CMYA5: variants seen among roughly 807,000 people sequenced by gnomAD.
The protein encoded by CMYA5 is cardiomyopathy-associated protein 5.
A neutral mutation model predicts 318.9 loss-of-function variants in CMYA5; 246 were observed. The observed-to-expected ratio is 0.77, with a 90% CI of 0.70 to 0.86. The LOEUF (loss-of-function observed/expected upper bound fraction) is 0.86, where lower values mean the gene tolerates loss of function less well. Among genes scored for constraint, CMYA5 ranks in the 40% least tolerant of loss-of-function variants. The pLI, the probability that CMYA5 is intolerant of heterozygous loss-of-function variation, is 0.00. For missense variants in CMYA5, 4,589 were observed against 4,678.2 expected (o/e 0.98, Z 0.56); for synonymous variants, 1,641 against 1,729.5 (o/e 0.95, Z 1.27).
At chr5:79,743,723 A>G in intron 2 of CMYA5, 104 bp from the exon 3 acceptor site, 1 of 589,670 alleles carries the variant, frequency 1.7e-6, no homozygotes, top group Non-Finnish European at 2.9e-6. Context: ...TAGTATAGTA[A>G]GTCTCTACGA....
In CMYA5 at chr5:79,745,333, A is replaced by G. The variant is rs775481745; in HGVS notation, c.10846A>G (p.Lys3616Glu). The change falls in exon 4 of 13, where the codon AAG becomes GAG. Residue 3616 changes from lysine (K) to glutamate (E), a missense_variant. Around this residue, in one of 3 missense-constraint regions of CMYA5, gnomAD observed 2,431 missense variants for 2,495.1 expected, o/e 0.97. Coordinates refer to ENST00000446378, the MANE Select transcript of CMYA5 (RefSeq NM_153610.5). ...CCAGAGCTTTGAGGAAGTGAAGAAG[A>G]AGAAGATGGAGTTCCTGCATGAGCA... ...KAQSFEEVKK[K>E]KMEFLHEQMV... The G allele has an allele frequency of 6.2e-7, 1 of 1,613,902 alleles. No homozygotes were observed. The highest frequency in any genetic ancestry group is 1.7e-5 in the Admixed American group (1 of 60,008).
intron 2 of CMYA5, among the ~76,000 whole-genome samples, chr5:79,741,017 A>G (rs1022171153): frequency 5.3e-5 from 8 of 152,024 alleles, no homozygotes; most frequent in African/African-American, 1.7e-4. Context: ...CTGGGAATAT[A>G]GTCATGCACT....
chr5:79,737,574 T>C lies in CMYA5; in HGVS notation c.8809T>C (p.Ser2937Pro), dbSNP rs1215417539. ...AGTGACTAGTAAGCCAGCCGGACTTTCAGAAGATCAGAAGACTGCCTTTAG... is the reference window on the plus strand; with the variant it reads ...AGTGACTAGTAAGCCAGCCGGACTTCCAGAAGATCAGAAGACTGCCTTTAG... ...FTVTSKPAGL[S>P]EDQKTAFSII... The change falls in exon 2 of 13, where the codon TCA becomes CCA. Residue 2937 changes from serine (S) to proline (P), a missense_variant. Coordinates refer to ENST00000446378, the MANE Select transcript of CMYA5 (RefSeq NM_153610.5). 2 of 1,613,694 alleles carry C rather than the reference T, an allele frequency of 1.2e-6. No individual in the cohort carries two copies. The highest frequency in any genetic ancestry group is 8.5e-7 in the Non-Finnish European group (1 of 1,179,786).
At chr5:79,774,146 C>A (rs537536124) in intron 9 of CMYA5, among the ~76,000 whole-genome samples, 2 of 152,270 alleles carry the variant, frequency 1.3e-5, no homozygotes, top group African/African-American at 4.8e-5. Flanking sequence ...GCCTACTGTG[C>A]CCCCAAGTTA....
At position 79,793,515 on chromosome 5, in the gene CMYA5, A is replaced by G; in HGVS notation, c.11868A>G (p.Ala3956=). ...YWETTVTDCP[A]YRLGICSSSA... ...AAACCACAGTCACAGACTGCCCAGC[A>G]TATCGACTCGGCATCTGCTCCAGCT... The change falls in exon 12 of 13, where the codon GCA becomes GCG. Residue 3956 remains alanine (A), a synonymous_variant. Transcript: ENST00000446378. 1 of 1,613,962 alleles carries G rather than the reference A, an allele frequency of 6.2e-7. No homozygotes were observed. Among genetic ancestry groups the G allele is most frequent in the Non-Finnish European group, 8.5e-7 (1 of 1,179,858 alleles).
In CMYA5 at chr5:79,728,862, A is replaced by C. The variant is rs577045483; in HGVS notation, c.150-53A>C. ...AAAAATGTATTTACTTATTCTATTA[A>C]TTAGTATTATTTTATTATGATAATA... On this transcript the variant is annotated intron_variant, in intron 1 of 12. Coordinates refer to ENST00000446378, the MANE Select transcript of CMYA5 (RefSeq NM_153610.5). 45 of 818,500 alleles carry C rather than the reference A, an allele frequency of 5.5e-5. No homozygotes were observed. In the African/African-American group the frequency reaches 7.8e-4, roughly 14 times the overall value. The allele number at this position is 818,500 out of a possible 1,614,324, so 50.7% of individuals were successfully genotyped here.
intron 4 of CMYA5, 66 bp from the exon 5 acceptor site, chr5:79,747,025 T>C (rs1221768888): frequency 1.0e-6 from 1 of 964,874 alleles, no homozygotes; most frequent in East Asian, 2.6e-5. Context: ...TTAATTAGCT[T>C]CTCTCTCTCT....
At chr5:79,792,308 T>C (rs949503245) in intron 11 of CMYA5, among the ~76,000 whole-genome samples, 2 of 151,900 alleles carry the variant, frequency 1.3e-5, no homozygotes, top group African/African-American at 4.8e-5. Flanking sequence ...CTAAAAAATA[T>C]ACAAATGAGT....
intron 12 of CMYA5, among the ~76,000 whole-genome samples, chr5:79,795,945 G>A (rs259099): frequency 1.3e-5 from 2 of 152,108 alleles, no homozygotes; most frequent in Non-Finnish European, 2.9e-5. Flanking sequence ...CAGGCCCCAC[G>A]CAGGCAGGCT....
At position 79,703,789 on chromosome 5, in the gene CMYA5, TGTCA is replaced by T. The variant is rs560828005; in HGVS notation, c.149+13738_149+13741del. On this transcript the variant is annotated intron_variant, in intron 1 of 12. Coordinates refer to ENST00000446378, the MANE Select transcript of CMYA5 (RefSeq NM_153610.5). ...TTTTCTTGAAAATTATTAATTTTTC[TGTCA>T]GTCAAAAAATATTCTAGGGCCGGGA... is the stretch of plus-strand genomic sequence containing the variant. Among the ~76,000 whole-genome samples the T allele has an allele frequency of 1.7e-3, 253 of 152,338 alleles. 1 individual carries two copies. The highest frequency in any genetic ancestry group is 5.7e-3 in the African/African-American group (237 of 41,576).
intron 9 of CMYA5, among the ~76,000 whole-genome samples, chr5:79,777,802 T>TG (rs199679081): frequency 6.6e-6 from 1 of 151,634 alleles, no homozygotes; most frequent in East Asian, 2.0e-4. Context: ...ATAAATTTTT[T>TG]TTTAAGTTTT....
In CMYA5 at chr5:79,723,952, T is replaced by C. The variant is rs147782355; in HGVS notation, c.150-4963T>C. Among the ~76,000 whole-genome samples, 287 of 152,266 alleles carry C rather than the reference T, an allele frequency of 1.9e-3. 1 individual carries two copies. The highest frequency in any genetic ancestry group is 6.4e-3 in the African/African-American group (268 of 41,552). ...GTTCAAGATTGGTTTGTTATTTGGA[T>C]ATCAATCACTGTAATTTATCACATT... On this transcript the variant is annotated intron_variant, in intron 1 of 12. Coordinates refer to ENST00000446378, the MANE Select transcript of CMYA5 (RefSeq NM_153610.5).
chr5:79,749,453 T>C (rs761400222), intron 5 of CMYA5, among the ~76,000 whole-genome samples: 1 of 152,218 alleles, frequency 6.6e-6, no homozygotes, highest in Non-Finnish European at 1.5e-5. Flanking sequence ...GAGTTTGGAC[T>C]GTGCAGGTCC....
Position 79,729,125 on chromosome 5 carries a change from T to C in CMYA5, c.360T>C (p.Asn120=), listed in dbSNP as rs1160637045. 6.2e-7 allele frequency: 1 copy of C among 1,613,458 alleles called. No homozygotes were observed. Among genetic ancestry groups the C allele is most frequent in the Admixed American group, 1.7e-5 (1 of 59,934 alleles). Residue 120 remains asparagine, a synonymous_variant, in exon 2 of 13, where the codon AAT becomes AAC. Coordinates refer to ENST00000446378, the MANE Select transcript of CMYA5 (RefSeq NM_153610.5). ...EGSTVNSPPG[N]VSFIVDEVKK... ...CAACTGTGAATTCTCCTCCTGGAAA[T>C]GTTTCCTTTATTGTGGATGAAGTGA...
At chr5:79,748,593 A>G (rs1304201349) in intron 5 of CMYA5, among the ~76,000 whole-genome samples, 1 of 151,984 alleles carries the variant, frequency 6.6e-6, no homozygotes. Context: ...CCCAGGCTGG[A>G]GTGCAGTGGC....
intron 1 of CMYA5, among the ~76,000 whole-genome samples, chr5:79,692,873 C>G (rs1354509155): frequency 6.6e-6 from 1 of 152,166 alleles, no homozygotes; most frequent in African/African-American, 2.4e-5. Context: ...TTCATTCATT[C>G]ACTAAACATT....
rs1828114755 is a variant in CMYA5 at position 79,737,815 on chromosome 5, A to C, written c.9050A>C (p.Lys3017Thr). ...RLEDEKVTPLKENKQKETHKT... is the reference protein window; with the variant it reads ...RLEDEKVTPLTENKQKETHKT... ...GAAGATGAAAAAGTTACCCCATTGA[A>C]AGAAAATAAACAAAAGGAAACTCAT... Residue 3017 changes from lysine to threonine, a missense_variant, in exon 2 of 13, where the codon AAA (lysine) becomes ACA (threonine). By Grantham distance (78) the Lys-to-Thr change is moderately conservative. Coordinates refer to ENST00000446378, the MANE Select transcript of CMYA5 (RefSeq NM_153610.5). 1.2e-5 allele frequency: 19 copies of C among 1,606,668 alleles called. No individual in the cohort carries two copies. The highest frequency in any genetic ancestry group is 1.5e-5 in the Non-Finnish European group (18 of 1,178,226).
At chr5:79,756,669 C>T (rs1177192588) in intron 6 of CMYA5, among the ~76,000 whole-genome samples, 3 of 152,112 alleles carry the variant, frequency 2.0e-5, no homozygotes, top group Non-Finnish European at 2.9e-5. Context: ...AGCTCTTTAT[C>T]GCTGTTGCAT....
intron 1 of CMYA5, among the ~76,000 whole-genome samples, chr5:79,726,482 T>A (rs1827750588): frequency 6.6e-6 from 1 of 152,224 alleles, no homozygotes; most frequent in Non-Finnish European, 1.5e-5. Context: ...ACAGTATTAA[T>A]TCCTAATTAA....
Sources: allele counts gnomAD v4.1 joint callset (sites outside exome capture counted in the v4.1 genomes callset), GRCh38; gene constraint gnomAD v4.1.1; regional missense constraint gnomAD v4.1.1; transcripts MANE v1.5; gene names NCBI Gene and HGNC (gene_info 2026-07-23, HGNC 2026-07-21).